The following L3MBTL1 variants were observed in gnomAD, a reference collection of about 807,000 sequenced individuals.
L3MBTL1 encodes the protein lethal(3)malignant brain tumor-like protein 1.
In L3MBTL1, 75 loss-of-function variants were observed where a neutral mutation model predicts 105.3. The observed-to-expected ratio is 0.71, with a 90% CI of 0.59 to 0.86. The LOEUF (loss-of-function observed/expected upper bound fraction) is 0.86, where lower values mean the gene tolerates loss of function less well. Among genes scored for constraint, L3MBTL1 ranks in the 40% least tolerant of loss-of-function variants. The pLI, the probability that L3MBTL1 is intolerant of heterozygous loss-of-function variation, is 0.00. For synonymous variants in L3MBTL1, 452 were observed against 436.2 expected (o/e 1.04, Z -0.45); for missense variants, 1,069 against 1,126.4 (o/e 0.95, Z 0.73).
chr20:43,538,899 A>T (rs1232940138), intron 19 of L3MBTL1: 1 of 152,346 alleles, frequency 6.6e-6, no homozygotes, highest in African/African-American at 2.4e-5. Flanking sequence ...GGCCAGGTAG[A>T]TGAGGTGCTA....
At chr20:43,543,967 C>G (rs1978405099), downstream of L3MBTL1, among the ~76,000 whole-genome samples, 2 of 152,184 alleles carry the variant, frequency 1.3e-5, no homozygotes, top group African/African-American at 4.8e-5. Flanking sequence ...AAGAACAGGT[C>G]CCTGCTCTTA....
At chr20:43,514,367 T>C in intron 3 of L3MBTL1, 1 of 1,330,282 alleles carries the variant, frequency 7.5e-7, no homozygotes, top group Non-Finnish European at 9.9e-7. Flanking sequence ...TGGCTTAGAG[T>C]GGGGTACCGT....
In L3MBTL1 at chr20:43,529,247, A is replaced by G. The variant is rs758832595; in HGVS notation, c.952-17A>G. On this transcript the variant is annotated splice_polypyrimidine_tract_variant and intron_variant, in intron 8 of 21. Coordinates refer to ENST00000418998, the MANE Select transcript of L3MBTL1 (RefSeq NM_001377303.1). Reference sequence around the variant, plus strand: ...GCTGGATGGAAGCTGGGTCCTCTCCACTCTGTGCGTTGACAGTCCCAGGCA... The same window carrying G: ...GCTGGATGGAAGCTGGGTCCTCTCCGCTCTGTGCGTTGACAGTCCCAGGCA... The G allele has an allele frequency of 1.7e-5, 27 of 1,591,146 alleles. No homozygotes were observed. Among genetic ancestry groups the G allele is most frequent in the Non-Finnish European group, 2.1e-5 (25 of 1,164,834 alleles).
Position 43,534,893 on chromosome 20 carries a change from C to T in L3MBTL1, c.1776C>T (p.His592=). ...TCGACGCTGACCACCCAGACATCCA[C>T]CCTGCCGGCTGGTGCTCCAAGACAG... The part of the protein sequence containing the change: ...FWIDADHPDI[H]PAGWCSKTGH... Residue 592 remains histidine (H), a synonymous_variant, in exon 16 of 22, where the codon CAC becomes CAT. Transcript: ENST00000418998. 1 of 1,609,888 alleles carries T rather than the reference C, an allele frequency of 6.2e-7. No individual in the cohort carries two copies. Among genetic ancestry groups the T allele is most frequent in the African/African-American group, 1.3e-5 (1 of 74,844 alleles).
chr20:43,537,458 G>T (rs1402412339), intron 19 of L3MBTL1, among the ~76,000 whole-genome samples: 1 of 151,660 alleles, frequency 6.6e-6, no homozygotes, highest in Non-Finnish European at 1.5e-5. Context: ...GATACCAATT[G>T]AATTGGATTA....
chr20:43,510,406 CTTTTTTT>C (rs11476429), intron 1 of L3MBTL1, among the ~76,000 whole-genome samples: 1 of 127,566 alleles, frequency 7.8e-6, no homozygotes, highest in Non-Finnish European at 1.6e-5. Context: ...TTCTTTCTTT[CTTTTTTT>C]TTTTTTTTTG....
At chr20:43,547,089 C>T (rs1355817515) in intron 18 of L3MBTL1, among the ~76,000 whole-genome samples, 1 of 149,780 alleles carries the variant, frequency 6.7e-6, no homozygotes, top group East Asian at 1.9e-4. Flanking sequence ...TCCTTTTTTT[C>T]CTTTTTTAAT....
intron 17 of L3MBTL1, 78 bp from the exon 18 acceptor site, chr20:43,536,019 C>T: frequency 6.3e-7 from 1 of 1,594,086 alleles, no homozygotes; most frequent in Non-Finnish European, 8.6e-7. Flanking sequence ...CCAAAACACA[C>T]TCCAGCTGGG....
rs111939216 is a variant in L3MBTL1, at chr20:43,539,706, G to A, written c.2174-445G>A. On this transcript the variant is annotated intron_variant, in intron 19 of 21. Coordinates refer to ENST00000418998, the MANE Select transcript of L3MBTL1 (RefSeq NM_001377303.1). ...TCTGAAGCAGAATCACCCTGGCTCT[G>A]AGAAAGTTGGTCGTGGCCCGGAAGG... 348 of 265,394 alleles carry A rather than the reference G, an allele frequency of 1.3e-3. 2 individuals carry two copies. The highest frequency in any genetic ancestry group is 7.1e-3 in the African/African-American group (321 of 45,332). 16.4% of individuals were successfully genotyped at this position (265,394 alleles called of 1,614,324 possible).
At chr20:43,519,381 A>G (rs2018588208) in intron 7 of L3MBTL1, among the ~76,000 whole-genome samples, 2 of 151,174 alleles carry the variant, frequency 1.3e-5, no homozygotes, top group South Asian at 4.2e-4. Context: ...TCACTCCTGT[A>G]ATCCCAGCAC....
chr20:43,509,996 T>C lies in L3MBTL1; in HGVS notation c.-29+2252T>C, dbSNP rs965844353. 1.1e-4 allele frequency among the ~76,000 whole-genome samples: 17 copies of C among 152,300 alleles called. No homozygotes were observed. In the South Asian group the frequency reaches 3.5e-3, roughly 32 times the overall value. The stretch of plus-strand genomic sequence containing the variant: ...CTCCTGCCTCAGCCTCCTGAGTAGC[T>C]GGGATAACAGGCGTGTGCCACCATG... On this transcript the variant is annotated intron_variant, in intron 1 of 21. Coordinates refer to ENST00000418998, the MANE Select transcript of L3MBTL1 (RefSeq NM_001377303.1).
At chr20:43,518,573 G>A (rs1356095750) in intron 7 of L3MBTL1, among the ~76,000 whole-genome samples, 1 of 152,066 alleles carries the variant, frequency 6.6e-6, no homozygotes, top group Non-Finnish European at 1.5e-5. Flanking sequence ...TTCTGACTGT[G>A]TTCACAGTTA....
exon 19 of L3MBTL1, chr20:43,550,868 T>A (rs1325185276): frequency 6.6e-6 from 1 of 152,224 alleles, no homozygotes; most frequent in African/African-American, 2.4e-5. Flanking sequence ...AAGGTGACTC[T>A]TGAAGGAGAA....
chr20:43,536,383 C>T, intron 18 of L3MBTL1, 26 bp from the exon 19 acceptor site: 2 of 1,613,928 alleles, frequency 1.2e-6, no homozygotes, highest in East Asian at 2.2e-5. Flanking sequence ...GATTCCCTGC[C>T]ATGGACCTGG....
chr20:43,533,727 C>T (rs1456476925), intron 13 of L3MBTL1, among the ~76,000 whole-genome samples: 4 of 152,158 alleles, frequency 2.6e-5, no homozygotes, highest in African/African-American at 9.7e-5. Context: ...GGCCCAAATA[C>T]AGTAGAGATT....
Position 43,540,758 on chromosome 20 carries a change from C to G in L3MBTL1, c.2337C>G (p.Phe779Leu). 1 of 1,614,138 alleles carries G rather than the reference C, an allele frequency of 6.2e-7. No homozygotes were observed. The highest frequency in any genetic ancestry group is 2.2e-5 in the East Asian group (1 of 44,880). ...TVAKWTIDEV[F>L]GFVQTLTGCE... ...TGTCATCTTTGGTTTCCAAGGTCTT[C>G]GGCTTTGTTCAGACCCTGACAGGTT... The change falls in exon 21 of 22, where the codon TTC becomes TTG. Residue 779 changes from phenylalanine (F) to leucine (L), a missense_variant. By Grantham distance (22) the Phe-to-Leu change is conservative. Transcript: ENST00000418998.
intron 7 of L3MBTL1, among the ~76,000 whole-genome samples, chr20:43,520,071 T>C (rs996269519): frequency 6.6e-6 from 1 of 152,184 alleles, no homozygotes; most frequent in Non-Finnish European, 1.5e-5. Context: ...TATATATCTA[T>C]TAGCCATCAT....
At chr20:43,534,688 C>T (rs1303749588) in intron 15 of L3MBTL1, 140 bp from the exon 16 acceptor site, 1 of 640,670 alleles carries the variant, frequency 1.6e-6, no homozygotes, top group Non-Finnish European at 2.7e-6. Context: ...GTGGCCAAGA[C>T]AGATTATTGC....
intron 3 of L3MBTL1, 103 bp downstream of exon 3, chr20:43,514,164 T>G: frequency 9.5e-7 from 1 of 1,052,970 alleles, no homozygotes; most frequent in Non-Finnish European, 1.4e-6. Flanking sequence ...GGAAGCTGGC[T>G]CAGATGATGG....
Sources: gnomAD v4.1 joint callset for allele counts (sites outside exome capture counted in the v4.1 genomes callset) on GRCh38, gnomAD v4.1.1 for gene constraint, MANE v1.5 for transcripts, NCBI Gene and HGNC (gene_info 2026-07-23, HGNC 2026-07-21) for gene names.